ZFHX3: variants seen among roughly 807,000 people sequenced by gnomAD.
The protein encoded by ZFHX3 is zinc finger homeobox protein 3.
ZFHX3 carries 42 observed loss-of-function variants against 279.1 expected under a neutral mutation model. That is an observed-to-expected ratio of 0.15 (90% confidence interval 0.12 to 0.19). ZFHX3 has a LOEUF of 0.19. ZFHX3 is among the 10% of genes least tolerant of loss of function. The pLI, the probability that ZFHX3 is intolerant of heterozygous loss-of-function variation, is 1.00. For synonymous variants in ZFHX3, 2,293 were observed against 1,957.8 expected, an observed-to-expected ratio of 1.17 and a Z score of -4.52; for missense variants, 4,981 against 4,754.0, an observed-to-expected ratio of 1.05 and a Z score of -1.40.
chr16:73,286,108 G>A (rs1006654659), intron 4 of ZFHX3, among the ~76,000 whole-genome samples: 1 of 152,054 alleles, frequency 6.6e-6, no homozygotes, highest in Non-Finnish European at 1.5e-5. Context: ...TTTAGACGGG[G>A]CCAACCAATT....
chr16:73,781,938 G>T (rs7206236), intron 1 of ZFHX3, among the ~76,000 whole-genome samples: 6,836 of 152,224 alleles, frequency 0.045, 507 homozygotes, highest in African/African-American at 0.15. Flanking sequence ...AGTGAGCTGA[G>T]ATCGTGCCAC....
At chr16:73,861,156 G>T (rs571090878) in intron 1 of ZFHX3, among the ~76,000 whole-genome samples, 2 of 151,978 alleles carry the variant, frequency 1.3e-5, no homozygotes, top group East Asian at 3.9e-4. Flanking sequence ...TGTACAGATG[G>T]TCTTTTGCCA....
intron 3 of ZFHX3, among the ~76,000 whole-genome samples, chr16:73,404,197 C>T (rs2017314425): frequency 6.6e-6 from 1 of 152,146 alleles, no homozygotes; most frequent in African/African-American, 2.4e-5. Context: ...CCTCCCACCC[C>T]CTCAACCCAC....
intron 2 of ZFHX3, among the ~76,000 whole-genome samples, chr16:73,675,487 T>C (rs2052945175): frequency 6.6e-6 from 1 of 152,150 alleles, no homozygotes; most frequent in Non-Finnish European, 1.5e-5. Flanking sequence ...CTAGAATGTG[T>C]TGGGCTCTGT....
intron 3 of ZFHX3, among the ~76,000 whole-genome samples, chr16:73,338,800 G>A (rs2015968458): frequency 6.6e-6 from 1 of 152,168 alleles, no homozygotes; most frequent in Non-Finnish European, 1.5e-5. Flanking sequence ...GGAGGGGCCT[G>A]GTGGAGATGA....
intron 3 of ZFHX3, among the ~76,000 whole-genome samples, chr16:73,361,350 C>T: frequency 6.6e-6 from 1 of 152,248 alleles, no homozygotes; most frequent in African/African-American, 2.4e-5. Context: ...GGAAGCCAGC[C>T]ACCATCCTGC....
At chr16:73,748,504 T>C (rs900259069) in intron 1 of ZFHX3, among the ~76,000 whole-genome samples, 20 of 151,520 alleles carry the variant, frequency 1.3e-4, no homozygotes, top group African/African-American at 4.9e-4. Context: ...ACTTACACTC[T>C]ATTTCTTTGA....
chr16:73,676,242 A>G (rs2142190137), intron 2 of ZFHX3, among the ~76,000 whole-genome samples: 1 of 152,060 alleles, frequency 6.6e-6, no homozygotes, highest in East Asian at 1.9e-4. Context: ...AAATAAACAT[A>G]TGCATTAAGA....
intron 1 of ZFHX3, among the ~76,000 whole-genome samples, chr16:73,733,537 A>T (rs1362460249): frequency 6.6e-6 from 1 of 152,216 alleles, no homozygotes; most frequent in Non-Finnish European, 1.5e-5. Flanking sequence ...TTTTTGAAAA[A>T]AGACTTCAAT....
At position 73,781,501 on chromosome 16, in the gene ZFHX3, A is replaced by G. The variant is rs1427307410; in HGVS notation, c.-1607-101261T>C. Among the ~76,000 whole-genome samples, 3 of 152,196 alleles carry G rather than the reference A, an allele frequency of 2.0e-5. No individual in the cohort carries two copies. In the East Asian group the frequency reaches 5.8e-4, roughly 29 times the overall value. ...GAACACAGCCACACTCATCATTTGC[A>G]TAACATCTATGGCTGTCTCACACTA... On this transcript the variant is annotated intron_variant, in intron 1 of 17. Coordinates refer to the ZFHX3 transcript ENST00000641206.
At chr16:73,481,420 AT>A (rs1226093667) in intron 2 of ZFHX3, among the ~76,000 whole-genome samples, 1 of 151,890 alleles carries the variant, frequency 6.6e-6, no homozygotes, top group Admixed American at 6.6e-5. Flanking sequence ...CCCTTACCAA[AT>A]TTTAGTATTA....
At chr16:73,345,096 C>A (rs2016099892) in intron 3 of ZFHX3, among the ~76,000 whole-genome samples, 1 of 152,242 alleles carries the variant, frequency 6.6e-6, no homozygotes, top group East Asian at 1.9e-4. Context: ...GGAGCAAAAT[C>A]TTTTCCTAGT....
chr16:73,610,187 A>C (rs997822222), intron 2 of ZFHX3: 1 of 148,230 alleles, frequency 6.7e-6, no homozygotes, highest in Admixed American at 6.7e-5. Context: ...GCACTTTCAG[A>C]AGCGTTTACT....
intron 5 of ZFHX3, among the ~76,000 whole-genome samples, chr16:73,153,467 G>C (rs749679426): frequency 6.6e-6 from 1 of 151,872 alleles, no homozygotes; most frequent in Non-Finnish European, 1.5e-5. Context: ...TTCTGCACTG[G>C]AGTCATTGAA....
chr16:73,003,983 A>G (rs1369572363), intron 1 of ZFHX3, among the ~76,000 whole-genome samples: 2 of 151,642 alleles, frequency 1.3e-5, no homozygotes, highest in South Asian at 2.1e-4. Flanking sequence ...AAAACAAAAC[A>G]AAACAAAAAA....
In ZFHX3 at chr16:73,427,670, T is replaced by G. The variant is rs371454250; in HGVS notation, c.-1291+28333A>C. ...TAGGTACTTGGCTGGACAAAGTGACTCATGCTTGTAATCCTAGCACTTTGG... is the reference window on the plus strand; with the variant it reads ...TAGGTACTTGGCTGGACAAAGTGACGCATGCTTGTAATCCTAGCACTTTGG... On this transcript the variant is annotated intron_variant, in intron 3 of 17. Transcript: ENST00000641206. 7.2e-5 allele frequency among the ~76,000 whole-genome samples: 11 copies of G among 152,200 alleles called. No homozygotes were observed. In the East Asian group the frequency reaches 1.9e-3, roughly 27 times the overall value.
chr16:72,960,235 A>AAG, intron 1 of ZFHX3, 41 bp from the exon 2 acceptor site: 1 of 1,449,676 alleles, frequency 6.9e-7, no homozygotes, highest in South Asian at 1.5e-5. Flanking sequence ...AGAGAGGGGA[A>AAG]AGAGAGAGAG....
At chr16:73,548,466 C>A (rs1219719695) in intron 2 of ZFHX3, among the ~76,000 whole-genome samples, 1 of 146,538 alleles carries the variant, frequency 6.8e-6, no homozygotes, top group African/African-American at 2.5e-5. Flanking sequence ...GGGTGTTTAG[C>A]CTTTTTTTTT....
chr16:73,172,371 T>C (rs1967550840), intron 5 of ZFHX3, among the ~76,000 whole-genome samples: 1 of 152,202 alleles, frequency 6.6e-6, no homozygotes, highest in African/African-American at 2.4e-5. Context: ...CCGTCTCCTT[T>C]GACAGACTCA....
Sources: allele counts gnomAD v4.1 joint callset (sites outside exome capture counted in the v4.1 genomes callset), GRCh38; gene constraint gnomAD v4.1.1; transcripts MANE v1.5; gene names NCBI Gene and HGNC (gene_info 2026-07-23, HGNC 2026-07-21).